Variants in SEC24D observed in about 807,000 individuals in gnomAD.
SEC24D encodes SEC24 homolog D, COPII component, also known as protein transport protein Sec24D.
SEC24D carries 69 observed loss-of-function variants against 116.9 expected under a neutral mutation model. The observed-to-expected ratio is 0.59, with a 90% CI of 0.49 to 0.72. The LOEUF (loss-of-function observed/expected upper bound fraction) is 0.72. Ranked by LOEUF, SEC24D falls within the 30% of genes least tolerant of loss-of-function variation. The probability of loss-of-function intolerance (pLI) is 0.00; values close to 1 mark genes in which losing one functional copy is unlikely to be tolerated. For missense variants in SEC24D, 1,131 were observed against 1,264.1 expected, an observed-to-expected ratio of 0.89 and a Z score of 1.60; for synonymous variants, 405 against 442.8, an observed-to-expected ratio of 0.91 and a Z score of 1.07.
chr4:118,797,305 T>C (rs909909009), intron 8 of SEC24D, among the ~76,000 whole-genome samples: 1 of 152,256 alleles, frequency 6.6e-6, no homozygotes, highest in Admixed American at 6.5e-5. Context: ...TCTGCTCTAA[T>C]AGATCAAGGA....
chr4:118,813,264 C>T (rs1267792142), intron 6 of SEC24D, among the ~76,000 whole-genome samples: 3 of 152,186 alleles, frequency 2.0e-5, no homozygotes, highest in African/African-American at 4.8e-5. Flanking sequence ...CCTGGAGCCA[C>T]CAGAAGCTGA....
In SEC24D at chr4:118,807,524, A is replaced by G. The variant is rs960984718; in HGVS notation, c.802-1570T>C. ...AAATGGAGAGGGTGTAAGAAGAGGA[A>G]AAAAAAAAAATGGAGAAACAGGAAG... On this transcript the variant is annotated intron_variant, in intron 6 of 22. Coordinates refer to ENST00000280551, the MANE Select transcript of SEC24D (RefSeq NM_014822.4). 2.2e-4 allele frequency among the ~76,000 whole-genome samples: 30 copies of G among 136,856 alleles called. 1 individual carries two copies. Among genetic ancestry groups the G allele is most frequent in the African/African-American group, 6.9e-4 (27 of 39,400 alleles). The allele number at this position is 136,856 out of a possible 152,430, so 89.8% of individuals were successfully genotyped here.
At chr4:118,789,081 A>C (rs1728780036) in intron 8 of SEC24D, among the ~76,000 whole-genome samples, 1 of 152,212 alleles carries the variant, frequency 6.6e-6, no homozygotes, top group African/African-American at 2.4e-5. Context: ...CATTGCTAAA[A>C]CTTTAGCCAG....
chr4:118,767,270 A>G (rs1316012539), intron 9 of SEC24D, among the ~76,000 whole-genome samples: 1 of 152,246 alleles, frequency 6.6e-6, no homozygotes, highest in African/African-American at 2.4e-5. Context: ...TCACAGAGCC[A>G]AGATGCCATG....
chr4:118,823,129 T>C (rs1018516669), intron 3 of SEC24D, among the ~76,000 whole-genome samples: 2 of 152,166 alleles, frequency 1.3e-5, no homozygotes, highest in Non-Finnish European at 2.9e-5. Flanking sequence ...GTTCTCCGTC[T>C]TTTTGCTCTT....
At chr4:118,820,344 C>T (rs1324334990) in intron 3 of SEC24D, among the ~76,000 whole-genome samples, 4 of 151,992 alleles carry the variant, frequency 2.6e-5, no homozygotes, top group African/African-American at 9.7e-5. Flanking sequence ...CCACACCCAG[C>T]TAATTTTTGT....
chr4:118,763,745 A>G (rs1047993903), intron 10 of SEC24D, among the ~76,000 whole-genome samples: 2 of 152,238 alleles, frequency 1.3e-5, no homozygotes, highest in African/African-American at 2.4e-5. Context: ...TTCATTCCAC[A>G]TACACTGATC....
At chr4:118,809,853 T>C (rs538051525) in intron 6 of SEC24D, among the ~76,000 whole-genome samples, 5 of 152,332 alleles carry the variant, frequency 3.3e-5, no homozygotes, top group African/African-American at 9.6e-5. Flanking sequence ...TGGAGTGGTA[T>C]GGATGGGGTG....
chr4:118,751,005 T>C (rs959227358), intron 13 of SEC24D, among the ~76,000 whole-genome samples: 2 of 152,074 alleles, frequency 1.3e-5, no homozygotes, highest in Non-Finnish European at 1.5e-5. Context: ...AACTCAGTTC[T>C]GTAATACAGT....
At chr4:118,763,981 C>T (rs1727514770) in intron 10 of SEC24D, among the ~76,000 whole-genome samples, 1 of 152,142 alleles carries the variant, frequency 6.6e-6, no homozygotes, top group Admixed American at 6.6e-5. Flanking sequence ...AAATTTCAGC[C>T]AGGCATTACA....
At chr4:118,800,766 G>A (rs531056464) in intron 7 of SEC24D, among the ~76,000 whole-genome samples, 25 of 152,264 alleles carry the variant, frequency 1.6e-4, no homozygotes, top group African/African-American at 5.8e-4. Flanking sequence ...CTTTACTGAG[G>A]AGGAAACTGA....
intron 8 of SEC24D, among the ~76,000 whole-genome samples, chr4:118,789,019 T>C (rs1383175360): frequency 6.6e-6 from 1 of 152,190 alleles, no homozygotes; most frequent in Non-Finnish European, 1.5e-5. Context: ...TTAAGAACTC[T>C]AAAATGATTA....
intron 2 of SEC24D, among the ~76,000 whole-genome samples, chr4:118,827,726 G>C (rs1730644669): frequency 6.6e-6 from 1 of 152,094 alleles, no homozygotes; most frequent in Non-Finnish European, 1.5e-5. Flanking sequence ...GTCCTGCATG[G>C]GAATGTTCAT....
At chr4:118,789,190 T>C (rs1008379012) in intron 8 of SEC24D, among the ~76,000 whole-genome samples, 1 of 152,224 alleles carries the variant, frequency 6.6e-6, no homozygotes, top group African/African-American at 2.4e-5. Flanking sequence ...CCTGTGGAGC[T>C]TCATCATCTA....
chr4:118,757,795 T>G lies in SEC24D; in HGVS notation c.1347A>C (p.Ser449=). The change falls in exon 11 of 23, where the codon TCA becomes TCC. Residue 449 remains serine (S), a synonymous_variant. Transcript: ENST00000280551. ...CAAGTCCATTCTTTATGTTACTATA[T>G]GAAACATCAATCATGAAGATAAAGG... ...PPAFIFMIDV[S]YSNIKNGLVK... is the part of the protein sequence containing the mutation. The G allele has an allele frequency of 1.2e-6, 2 of 1,611,774 alleles. No homozygotes were observed. The highest frequency in any genetic ancestry group is 1.7e-6 in the Non-Finnish European group (2 of 1,178,552).
chr4:118,760,085 G>C (rs1727296038), intron 10 of SEC24D, among the ~76,000 whole-genome samples: 1 of 152,196 alleles, frequency 6.6e-6, no homozygotes, highest in Admixed American at 6.5e-5. Flanking sequence ...AGTTAATTGT[G>C]AAGGCCCACG....
At chr4:118,818,222 T>C (rs1323934627) in intron 3 of SEC24D, among the ~76,000 whole-genome samples, 3 of 152,210 alleles carry the variant, frequency 2.0e-5, no homozygotes, top group Admixed American at 6.5e-5. Context: ...TAAATTCTTA[T>C]GAATTTTAAA....
At chr4:118,770,351 T>C (rs769825287) in intron 8 of SEC24D, among the ~76,000 whole-genome samples, 12 of 152,046 alleles carry the variant, frequency 7.9e-5, no homozygotes, top group Non-Finnish European at 1.6e-4. Flanking sequence ...AAAAAAGAGA[T>C]TCTTAGAACA....
chr4:118,752,550 G>A lies in SEC24D; in HGVS notation c.1613+147C>T, dbSNP rs376701397. On this transcript the variant is annotated intron_variant, in intron 12 of 22. Coordinates refer to ENST00000280551, the MANE Select transcript of SEC24D (RefSeq NM_014822.4). ...TACTTGTCTATATTTAAAAAAGACT[G>A]ACTTAACATAAATGATAGAGTTTTA... is the stretch of plus-strand genomic sequence containing the variant. 5.4e-5 allele frequency: 32 copies of A among 594,894 alleles called. No individual in the cohort carries two copies. In the African/African-American group the frequency reaches 5.5e-4, roughly 10 times the overall value. The allele number at this position is 594,894 out of a possible 1,614,324, so 36.9% of individuals were successfully genotyped here.
Sources: allele counts gnomAD v4.1 joint callset (sites outside exome capture counted in the v4.1 genomes callset), GRCh38; gene constraint gnomAD v4.1.1; transcripts MANE v1.5; gene names NCBI Gene and HGNC (gene_info 2026-07-23, HGNC 2026-07-21).